ZNF521: variants seen among roughly 807,000 people sequenced by gnomAD.
ZNF521 encodes LYST-interacting protein 3.
ZNF521 carries 14 observed loss-of-function variants against 105.5 expected under a neutral mutation model. The observed-to-expected ratio is 0.13, with a 90% CI of 0.09 to 0.21. ZNF521 has a LOEUF of 0.21. ZNF521 is among the 10% of genes least tolerant of loss of function. The pLI is 1.00. For synonymous variants in ZNF521, 635 were observed against 606.0 expected, an observed-to-expected ratio of 1.05 and a Z score of -0.70; for missense variants, 1,233 against 1,629.7, an observed-to-expected ratio of 0.76 and a Z score of 4.19.
chr18:25,066,378 C>T (rs930529606), intron 7 of ZNF521, among the ~76,000 whole-genome samples: 1 of 152,182 alleles, frequency 6.6e-6, no homozygotes, highest in Non-Finnish European at 1.5e-5. Context: ...TCTCCTCCCC[C>T]ACGCAGTATT....
chr18:25,326,636 C>T (rs1335985396), intron 2 of ZNF521, among the ~76,000 whole-genome samples: 2 of 152,188 alleles, frequency 1.3e-5, no homozygotes, highest in African/African-American at 4.8e-5. Context: ...AGCAAGTACA[C>T]AGTGCAGGCC....
chr18:25,076,491 A>C (rs2033365409), intron 7 of ZNF521, among the ~76,000 whole-genome samples: 1 of 152,240 alleles, frequency 6.6e-6, no homozygotes, highest in Non-Finnish European at 1.5e-5. Flanking sequence ...TCTTATCCCT[A>C]TGCAATTGTT....
intron 5 of ZNF521, among the ~76,000 whole-genome samples, chr18:25,120,547 C>T (rs1239728385): frequency 1.3e-5 from 2 of 148,892 alleles, no homozygotes; most frequent in South Asian, 2.1e-4. Flanking sequence ...CCCACCACTG[C>T]ACTCCAGGCT....
intron 4 of ZNF521, among the ~76,000 whole-genome samples, chr18:25,215,279 C>T (rs2036260510): frequency 6.6e-6 from 1 of 152,132 alleles, no homozygotes; most frequent in Admixed American, 6.5e-5. Flanking sequence ...ACCAGCTATT[C>T]AGGCTTTTTA....
chr18:25,290,905 G>A (rs757611871), intron 3 of ZNF521, among the ~76,000 whole-genome samples: 1 of 152,074 alleles, frequency 6.6e-6, no homozygotes, highest in East Asian at 1.9e-4. Context: ...ATTAATGGAT[G>A]GATGGATGGA....
intron 5 of ZNF521, among the ~76,000 whole-genome samples, chr18:25,108,448 CT>C (rs970913939): frequency 8.6e-5 from 13 of 151,392 alleles, no homozygotes; most frequent in African/African-American, 2.7e-4. Context: ...TATCTTTTTA[CT>C]GCTTTTACAA....
chr18:25,201,922 T>G (rs1468370129), intron 4 of ZNF521: 3 of 152,154 alleles, frequency 2.0e-5, no homozygotes, highest in Admixed American at 2.0e-4. Context: ...ATAAAAGTGC[T>G]TGGTACCATG....
chr18:25,204,223 A>G (rs1459880792), intron 4 of ZNF521, among the ~76,000 whole-genome samples: 1 of 152,214 alleles, frequency 6.6e-6, no homozygotes, highest in Admixed American at 6.5e-5. Flanking sequence ...ATTTTTACAA[A>G]TAAAACCCTA....
chr18:25,113,676 G>A (rs918390880), intron 5 of ZNF521, among the ~76,000 whole-genome samples: 4 of 151,562 alleles, frequency 2.6e-5, no homozygotes, highest in East Asian at 2.0e-4. Flanking sequence ...ATGAGATAGC[G>A]TGGAGAGAAC....
intron 2 of ZNF521, among the ~76,000 whole-genome samples, chr18:25,332,279 AAG>A (rs913791076): frequency 3.1e-4 from 47 of 151,988 alleles, no homozygotes; most frequent in African/African-American, 9.6e-4. Flanking sequence ...GACTCAGGAA[AAG>A]AGAAATTTTA....
intron 4 of ZNF521, among the ~76,000 whole-genome samples, chr18:25,206,953 T>C (rs1046643190): frequency 1.3e-5 from 2 of 152,216 alleles, no homozygotes; most frequent in Non-Finnish European, 2.9e-5. Context: ...GAACATGCTG[T>C]GCAATTACAA....
rs28510250 is a variant in ZNF521, at chr18:25,062,751, A to G, written c.3907-10T>C. The G allele has an allele frequency of 1.3e-6, 1 of 757,042 alleles. No individual in the cohort carries two copies. Among genetic ancestry groups the G allele is most frequent in the Non-Finnish European group, 1.8e-6 (1 of 544,856 alleles). The allele number at this position is 757,042 out of a possible 1,614,324, so 46.9% of individuals were successfully genotyped here. On this transcript the variant is annotated splice_polypyrimidine_tract_variant and intron_variant, in intron 7 of 7. Coordinates refer to ENST00000361524, the MANE Select transcript of ZNF521 (RefSeq NM_015461.3). ...GGGTCATTGTATGATTCTGTAAATA[A>G]CAAAAAAAAAAAAAAAAAAAAAAAA... is the stretch of plus-strand genomic sequence containing the variant.
chr18:25,184,241 T>G (rs2035682470), intron 5 of ZNF521, among the ~76,000 whole-genome samples: 1 of 152,162 alleles, frequency 6.6e-6, no homozygotes, highest in South Asian at 2.1e-4. Flanking sequence ...CTAACTACAA[T>G]TATGCCTTTT....
chr18:25,280,857 A>G (rs991246113), intron 3 of ZNF521, among the ~76,000 whole-genome samples: 6 of 152,176 alleles, frequency 3.9e-5, no homozygotes, highest in African/African-American at 1.4e-4. Flanking sequence ...ATCAAGGATA[A>G]TATATATTAA....
chr18:25,202,461 C>T (rs2036009732), intron 4 of ZNF521: 1 of 152,056 alleles, frequency 6.6e-6, no homozygotes, highest in Non-Finnish European at 1.5e-5. Context: ...CATCCCGGAA[C>T]CAATCCCCCA....
intron 2 of ZNF521, among the ~76,000 whole-genome samples, chr18:25,342,993 A>G (rs998813172): frequency 1.3e-5 from 2 of 152,162 alleles, no homozygotes; most frequent in African/African-American, 4.8e-5. Flanking sequence ...GCACAGTGAT[A>G]TTTTTTAGAT....
In ZNF521 at chr18:25,225,773, G is replaced by C. The variant is rs188425657; in HGVS notation, c.2145C>G (p.Asp715Glu). 2 of 1,614,134 alleles carry C rather than the reference G, an allele frequency of 1.2e-6. No homozygotes were observed. The highest frequency in any genetic ancestry group is 1.7e-6 in the Non-Finnish European group (2 of 1,180,040). ...AGCGAAAGAAGACAAAGGTGTGCAT[G>C]TCCAGCAGGTGTTTCTGAAGGTCAT... ...SVDDLQKHLL[D>E]MHTFVFFRCT... The change falls in exon 4 of 8, where the codon GAC becomes GAG. Residue 715 changes from aspartate (D) to glutamate (E), a missense_variant. Coordinates refer to ENST00000361524, the MANE Select transcript of ZNF521 (RefSeq NM_015461.3). The surrounding 1 kb of genome is among the most constrained non-coding windows in gnomAD (Gnocchi z 5.6).
chr18:25,068,272 T>C (rs940904499), intron 7 of ZNF521, among the ~76,000 whole-genome samples: 24 of 152,342 alleles, frequency 1.6e-4, no homozygotes, highest in African/African-American at 5.5e-4. Flanking sequence ...ATGTTGTTTT[T>C]TCTTTAGTTG....
intron 3 of ZNF521, among the ~76,000 whole-genome samples, chr18:25,269,570 T>C (rs1909504837): frequency 6.6e-6 from 1 of 152,004 alleles, no homozygotes; most frequent in Admixed American, 6.6e-5. Context: ...TGCAAAAGAA[T>C]GGAAGTCATA....
Sources: gnomAD v4.1 joint callset for allele counts (sites outside exome capture counted in the v4.1 genomes callset) on GRCh38, gnomAD v4.1.1 for gene constraint, Gnocchi (gnomAD v3.1) non-coding constraint, MANE v1.5 for transcripts, NCBI Gene and HGNC (gene_info 2026-07-23, HGNC 2026-07-21) for gene names.